RELN: variants seen among roughly 807,000 people sequenced by gnomAD.
RELN encodes reelin.
A neutral mutation model predicts 427.6 loss-of-function variants in RELN; 108 were observed. That is an observed-to-expected ratio of 0.25 (90% confidence interval 0.22 to 0.30). The LOEUF is 0.30. Ranked by LOEUF, RELN falls within the 10% of genes least tolerant of loss-of-function variation. The pLI is 1.00. For missense variants in RELN, 3,715 were observed against 4,302.8 expected (o/e 0.86, Z 3.82); for synonymous variants, 1,524 against 1,513.4 (o/e 1.01, Z -0.16).
chr7:103,621,826 G>T (rs1301584754), intron 20 of RELN, among the ~76,000 whole-genome samples: 3 of 152,050 alleles, frequency 2.0e-5, no homozygotes, highest in African/African-American at 7.2e-5. Context: ...GACCACCTTG[G>T]GCAACATGGC....
At chr7:103,829,336 CCTT>C (rs932004600) in intron 3 of RELN, among the ~76,000 whole-genome samples, 70 of 151,768 alleles carry the variant, frequency 4.6e-4, no homozygotes, top group African/African-American at 1.6e-3. Flanking sequence ...TCCTCCTTCT[CCTT>C]CTTCTTTCCC....
intron 56 of RELN, 28 bp downstream of exon 56, chr7:103,496,498 G>A: frequency 1.9e-6 from 3 of 1,614,028 alleles, no homozygotes; most frequent in Non-Finnish European, 2.5e-6. Flanking sequence ...TCACAGGAAA[G>A]AAAATTGTTC....
At chr7:103,615,837 G>A (rs561210071) in intron 20 of RELN, among the ~76,000 whole-genome samples, 1 of 152,326 alleles carries the variant, frequency 6.6e-6, no homozygotes, top group East Asian at 1.9e-4. Flanking sequence ...CTTAAATGCT[G>A]TAATGAATAC....
chr7:103,793,360 T>C (rs180773749), intron 3 of RELN, among the ~76,000 whole-genome samples: 151 of 152,350 alleles, frequency 9.9e-4, no homozygotes, highest in African/African-American at 3.1e-3. Flanking sequence ...CATGTTTTGA[T>C]AAATTAAAGA....
chr7:103,578,200 T>C (rs1295064658), intron 28 of RELN, among the ~76,000 whole-genome samples: 1 of 152,160 alleles, frequency 6.6e-6, no homozygotes, highest in Non-Finnish European at 1.5e-5. Context: ...TTGGCCAGAG[T>C]GAGGAGGTAT....
At chr7:103,482,842 G>A (rs369736632) in intron 63 of RELN, 31 bp downstream of exon 63, 4 of 1,613,634 alleles carry the variant, frequency 2.5e-6, no homozygotes, top group Non-Finnish European at 2.5e-6. Context: ...TTCCTGAAAT[G>A]GACATGGGAT....
chr7:103,952,159 T>C (rs1279594589), intron 1 of RELN, among the ~76,000 whole-genome samples: 2 of 152,250 alleles, frequency 1.3e-5, no homozygotes, highest in East Asian at 3.8e-4. Context: ...ATTTAACCAG[T>C]AGTTTTGCTG....
intron 56 of RELN, among the ~76,000 whole-genome samples, chr7:103,496,171 GTAACCTAGCACCGAAAA>G (rs1828835723): frequency 9.8e-6 from 1 of 102,108 alleles, no homozygotes; most frequent in Non-Finnish European, 2.2e-5. Flanking sequence ...GCTAGTCTAG[GTAACCTAGCACCGAAAA>G]GTTCTTGATA....
chr7:103,697,926 T>C lies in RELN; in HGVS notation c.1070A>G (p.Gln357Arg), dbSNP rs775900085. The change falls in exon 10 of 65, where the codon CAA becomes CGA. Residue 357 changes from glutamine (Q) to arginine (R), a missense_variant. This residue lies in a region of RELN where 2,208 missense variants were observed against 2,361.7 expected (regional missense o/e 0.93). Coordinates refer to ENST00000428762, the MANE Select transcript of RELN (RefSeq NM_005045.4). The part of the protein sequence containing the change: ...NILIINSAHR[Q>R]VVLEDSLDPV... ...GTCGAGACTATCTTCTAAAACGACT[T>C]GTCTGTGAGCTGAATTGATGATCAA... The C allele has an allele frequency of 3.1e-6, 5 of 1,613,636 alleles. No individual in the cohort carries two copies. Among genetic ancestry groups the C allele is most frequent in the African/African-American group, 1.3e-5 (1 of 74,896 alleles).
At chr7:103,712,139 G>T (rs188788562) in intron 8 of RELN, among the ~76,000 whole-genome samples, 18 of 152,200 alleles carry the variant, frequency 1.2e-4, no homozygotes, top group African/African-American at 4.3e-4. Flanking sequence ...ATAATCTCAA[G>T]AATACACAAG....
intron 2 of RELN, among the ~76,000 whole-genome samples, chr7:103,886,616 A>G (rs1260398984): frequency 1.3e-5 from 2 of 152,200 alleles, no homozygotes; most frequent in African/African-American, 4.8e-5. Context: ...TAATTAAGTA[A>G]ATCCCATAAT....
intron 3 of RELN, among the ~76,000 whole-genome samples, chr7:103,780,647 TG>T (rs1300606831): frequency 2.0e-5 from 3 of 152,216 alleles, no homozygotes; most frequent in Non-Finnish European, 4.4e-5. Context: ...TGAGAACATT[TG>T]GTATTTGGTT....
chr7:103,867,478 T>G (rs1026091190), intron 2 of RELN, among the ~76,000 whole-genome samples: 1 of 152,084 alleles, frequency 6.6e-6, no homozygotes, highest in African/African-American at 2.4e-5. Flanking sequence ...CAAACTATTT[T>G]CAATGTACTG....
At chr7:103,521,227 CCTCGG>C (rs1829702228) in intron 48 of RELN, among the ~76,000 whole-genome samples, 1 of 151,708 alleles carries the variant, frequency 6.6e-6, no homozygotes, top group South Asian at 2.1e-4. Flanking sequence ...GATCCACCCG[CCTCGG>C]CCTCCCAAAG....
chr7:103,666,137 T>A (rs1475640039), intron 11 of RELN, among the ~76,000 whole-genome samples: 3 of 152,094 alleles, frequency 2.0e-5, no homozygotes, highest in Non-Finnish European at 4.4e-5. Flanking sequence ...AATTCATGGC[T>A]CATGGTAGCC....
At chr7:103,481,398 C>T (rs1426684588) in intron 63 of RELN, among the ~76,000 whole-genome samples, 4 of 152,148 alleles carry the variant, frequency 2.6e-5, no homozygotes, top group Non-Finnish European at 5.9e-5. Flanking sequence ...CTTTGTCAGG[C>T]ACAGGAAGCC....
At chr7:103,485,778 T>C (rs1828417515) in intron 61 of RELN, among the ~76,000 whole-genome samples, 2 of 152,178 alleles carry the variant, frequency 1.3e-5, no homozygotes, top group South Asian at 2.1e-4. Flanking sequence ...CCATCCTCCA[T>C]TTCTATTTAT....
intron 22 of RELN, among the ~76,000 whole-genome samples, chr7:103,605,603 G>A (rs943397275): frequency 1.3e-5 from 2 of 152,146 alleles, no homozygotes; most frequent in African/African-American, 4.8e-5. Context: ...TTTGGTCAAA[G>A]GGCTAAATGA....
At chr7:103,680,614 C>T (rs1353354426) in intron 11 of RELN, among the ~76,000 whole-genome samples, 1 of 151,984 alleles carries the variant, frequency 6.6e-6, no homozygotes, top group African/African-American at 2.4e-5. Context: ...CTCTGGACTC[C>T]ACCAAAGCTC....
Sources: allele counts gnomAD v4.1 joint callset (sites outside exome capture counted in the v4.1 genomes callset), GRCh38; gene constraint gnomAD v4.1.1; regional missense constraint gnomAD v4.1.1; transcripts MANE v1.5; gene names NCBI Gene and HGNC (gene_info 2026-07-23, HGNC 2026-07-21).